Variants in FSD1L observed in about 807,000 individuals in gnomAD.
The protein encoded by FSD1L is FSD1-like protein.
A neutral mutation model predicts 71.6 loss-of-function variants in FSD1L; 45 were observed. The observed-to-expected ratio is 0.63, with a 90% CI of 0.49 to 0.81. The LOEUF is 0.81. Ranked by LOEUF, FSD1L falls within the 30% of genes least tolerant of loss-of-function variation. FSD1L has a pLI of 0.00. For synonymous variants in FSD1L, 197 were observed against 207.2 expected, an observed-to-expected ratio of 0.95 and a Z score of 0.42; for missense variants, 561 against 618.1, an observed-to-expected ratio of 0.91 and a Z score of 0.98.
At chr9:105,479,716 G>A (rs1832045733) in intron 6 of FSD1L, among the ~76,000 whole-genome samples, 1 of 152,054 alleles carries the variant, frequency 6.6e-6, no homozygotes. Flanking sequence ...TGTGTTTTTT[G>A]TTGTTAAATT....
chr9:105,537,731 A>AT (rs1177760335), intron 12 of FSD1L, among the ~76,000 whole-genome samples: 1 of 152,144 alleles, frequency 6.6e-6, no homozygotes, highest in Non-Finnish European at 1.5e-5. Context: ...AGAGATCGAA[A>AT]GCATAGCAAG....
chr9:105,512,964 T>C (rs1308497787), intron 10 of FSD1L, 28 bp downstream of exon 10: 32 of 1,488,758 alleles, frequency 2.1e-5, no homozygotes, highest in Admixed American at 2.7e-5. Context: ...ATCTGCCATA[T>C]GGACAAATGC....
At chr9:105,533,133 T>C (rs1303734702) in intron 10 of FSD1L, among the ~76,000 whole-genome samples, 3 of 152,162 alleles carry the variant, frequency 2.0e-5, no homozygotes, top group African/African-American at 7.2e-5. Flanking sequence ...AGAATATAGT[T>C]ATCCCCATAT....
At chr9:105,521,458 C>A in intron 10 of FSD1L, 1 of 1,613,620 alleles carries the variant, frequency 6.2e-7, no homozygotes, top group Non-Finnish European at 8.5e-7. Flanking sequence ...AGAGTTTTTT[C>A]TTCTAAAAGG....
chr9:105,542,485 G>A (rs1836691347), intron 13 of FSD1L, among the ~76,000 whole-genome samples: 1 of 151,788 alleles, frequency 6.6e-6, no homozygotes, highest in South Asian at 2.1e-4. Flanking sequence ...ACAGGGTCTC[G>A]CTCTGTCACC....
At chr9:105,521,662 A>G in intron 10 of FSD1L, 1 of 1,613,386 alleles carries the variant, frequency 6.2e-7, no homozygotes, top group Non-Finnish European at 8.5e-7. Flanking sequence ...AATGTCACAG[A>G]CCATGATATT....
intron 10 of FSD1L, among the ~76,000 whole-genome samples, chr9:105,518,956 T>TA (rs1386420798): frequency 6.6e-6 from 1 of 152,084 alleles, no homozygotes; most frequent in East Asian, 1.9e-4. Flanking sequence ...ATAGATGCAA[T>TA]AAAAAATGAT....
intron 7 of FSD1L, among the ~76,000 whole-genome samples, chr9:105,498,466 T>G (rs902026609): frequency 6.6e-6 from 1 of 152,066 alleles, no homozygotes; most frequent in African/African-American, 2.4e-5. Context: ...GTTACTGTAC[T>G]GAATACTGTA....
At chr9:105,519,914 G>A (rs887974281) in intron 10 of FSD1L, among the ~76,000 whole-genome samples, 1 of 152,244 alleles carries the variant, frequency 6.6e-6, no homozygotes, top group African/African-American at 2.4e-5. Flanking sequence ...CCATATTGGA[G>A]CTGGGGCCGA....
chr9:105,492,884 A>T lies in FSD1L; in HGVS notation c.586+8382A>T, dbSNP rs543630186. ...GAGAGACAGTTTGTTATAATTTCTG[A>T]TATTTTACATTTGCTGAGGAGAGCT... On this transcript the variant is annotated intron_variant, in intron 7 of 13. Coordinates refer to ENST00000481272, the MANE Select transcript of FSD1L (RefSeq NM_001145313.3). Among the ~76,000 whole-genome samples the T allele has an allele frequency of 7.8e-3, 1,191 of 152,052 alleles. 9 individuals carry two copies. The highest frequency in any genetic ancestry group is 0.02 in the Middle Eastern group (6 of 294).
At chr9:105,494,870 CAGA>C in intron 7 of FSD1L, among the ~76,000 whole-genome samples, 1 of 152,274 alleles carries the variant, frequency 6.6e-6, no homozygotes, top group Admixed American at 6.5e-5. Flanking sequence ...AGTTTTGTCT[CAGA>C]GGAGTACCCG....
intron 10 of FSD1L, chr9:105,523,962 C>A (rs1206131248): frequency 2.5e-6 from 4 of 1,591,032 alleles, no homozygotes; most frequent in South Asian, 1.1e-5. Flanking sequence ...AGCACAAGTT[C>A]TTCTGGGATC....
intron 1 of FSD1L, among the ~76,000 whole-genome samples, chr9:105,449,601 T>C (rs80133163): frequency 0.025 from 3,773 of 152,316 alleles, 179 homozygotes; most frequent in African/African-American, 0.086. Context: ...GCAGTAGAAG[T>C]AAGAGTATTT....
At chr9:105,506,348 G>A (rs1834048000) in intron 7 of FSD1L, 51 bp from the exon 8 acceptor site, 2 of 1,302,686 alleles carry the variant, frequency 1.5e-6, no homozygotes, top group Non-Finnish European at 2.1e-6. Context: ...TTTGATTAGT[G>A]TTGTAATAAA....
intron 6 of FSD1L, among the ~76,000 whole-genome samples, chr9:105,482,638 C>T (rs1312596186): frequency 2.6e-5 from 4 of 152,108 alleles, no homozygotes; most frequent in African/African-American, 4.8e-5. Context: ...AATTAAAGTT[C>T]AGTCTTCTGA....
chr9:105,468,507 ATTT>A (rs368002893), intron 4 of FSD1L, among the ~76,000 whole-genome samples, 183 bp downstream of exon 4: 3 of 141,746 alleles, frequency 2.1e-5, no homozygotes, highest in Non-Finnish European at 3.1e-5. Context: ...TCTCTTAACC[ATTT>A]TTTTTTTTTT....
intron 6 of FSD1L, among the ~76,000 whole-genome samples, chr9:105,481,180 G>GTGTGTGTGTGTGTGTGTGTGTGT: frequency 3.2e-5 from 1 of 30,770 alleles, no homozygotes; most frequent in East Asian, 2.1e-3. Context: ...TGTGTGTGTG[G>GTGTGTGTGTGTGTGTGTGTGTGT]TTCTTTTTTT....
intron 9 of FSD1L, among the ~76,000 whole-genome samples, chr9:105,511,158 G>A (rs1834370319): frequency 1.3e-5 from 2 of 151,628 alleles, no homozygotes; most frequent in African/African-American, 4.8e-5. Flanking sequence ...TATTTAATAA[G>A]TATGGTCTTA....
At position 105,512,896 on chromosome 9, in the gene FSD1L, G is replaced by T; in HGVS notation, c.985G>T (p.Gly329Cys). The T allele has an allele frequency of 1.2e-5, 19 of 1,538,804 alleles. No homozygotes were observed. The highest frequency in any genetic ancestry group is 1.7e-5 in the Non-Finnish European group (19 of 1,141,844). Reference sequence around the variant, plus strand: ...AGAGTGGGATCCTACTGGAGGAAAAGGTCAAGAAAGTAAAATTAAAGGAAA... The same window carrying T: ...AGAGTGGGATCCTACTGGAGGAAAATGTCAAGAAAGTAAAATTAAAGGAAA... Reference protein sequence around the residue: ...CVEWDPTGGKGQESKIKGKEN... With the variant: ...CVEWDPTGGKCQESKIKGKEN... The change falls in exon 10 of 14, where the codon GGT becomes TGT. Residue 329 changes from glycine to cysteine, a missense_variant. Around this residue, in one of 3 missense-constraint regions of FSD1L, gnomAD observed 410 missense variants for 413.5 expected, o/e 0.99. Transcript: ENST00000481272.
Sources: gnomAD v4.1 joint callset for allele counts (sites outside exome capture counted in the v4.1 genomes callset) on GRCh38, gnomAD v4.1.1 for gene constraint, gnomAD v4.1.1 regional missense constraint, MANE v1.5 for transcripts, NCBI Gene and HGNC (gene_info 2026-07-23, HGNC 2026-07-21) for gene names.